SDK1: variants seen among roughly 807,000 people sequenced by gnomAD.
The protein encoded by SDK1 is sidekick cell adhesion molecule 1, also known as protein sidekick-1.
Under a neutral mutation model 245.5 loss-of-function variants are expected in SDK1, and 157 were observed. The observed-to-expected ratio is 0.64, with a 90% CI of 0.56 to 0.73. The LOEUF (loss-of-function observed/expected upper bound fraction) is 0.73, where lower values mean the gene tolerates loss of function less well. Among genes scored for constraint, SDK1 ranks in the 30% least tolerant of loss-of-function variants. The pLI is 0.00. For synonymous variants in SDK1, 1,647 were observed against 1,278.5 expected (o/e 1.29, Z -6.15); for missense variants, 3,583 against 3,002.3 (o/e 1.19, Z -4.52).
chr7:3,951,970 G>A lies in SDK1; in HGVS notation c.1150+50G>A, dbSNP rs186479491. On this transcript the variant is annotated intron_variant, in intron 7 of 44. Transcript: ENST00000404826. ...GTTGCCAGCATCTCAGATAGCATCC[G>A]ACACTGACTCTTCTGCAGAAACAAA... is the stretch of plus-strand genomic sequence containing the variant. The A allele has an allele frequency of 2.3e-4, 351 of 1,500,684 alleles. No homozygotes were observed. The African/African-American group carries it at 3.2e-3, about 14-fold the overall frequency. 93.0% of individuals were successfully genotyped at this position (1,500,684 alleles called of 1,614,324 possible).
intron 9 of SDK1, among the ~76,000 whole-genome samples, chr7:3,965,906 C>T (rs1047291232): frequency 2.0e-5 from 3 of 151,758 alleles, no homozygotes; most frequent in African/African-American, 2.4e-5. Context: ...GGAGCAAGCT[C>T]GGCATGTGTG....
intron 4 of SDK1, among the ~76,000 whole-genome samples, chr7:3,801,219 G>C (rs1180218266): frequency 2.6e-5 from 4 of 152,118 alleles, no homozygotes; most frequent in African/African-American, 9.7e-5. Flanking sequence ...TTTTAAAATA[G>C]CTGAATGTAA....
chr7:4,119,521 CTG>C (rs1203530968), intron 25 of SDK1, among the ~76,000 whole-genome samples: 1 of 148,628 alleles, frequency 6.7e-6, no homozygotes, highest in African/African-American at 2.5e-5. Flanking sequence ...CCCAGAAAAT[CTG>C]TGTGTAATAT....
rs1562871990 is a variant in SDK1 at position 4,139,567 on chromosome 7, G to GTGTGTATGTGTGTGTATATGTA, written c.4229-6154_4229-6153insGTGTATGTGTGTGTATATGTAT. On this transcript the variant is annotated intron_variant, in intron 28 of 44. Coordinates refer to ENST00000404826, the MANE Select transcript of SDK1 (RefSeq NM_152744.4). Reference sequence around the variant, plus strand: ...TGTGTGTGTATATGTATATATGTGTGTATATGTGTGTGTGTATGTGTGTGT... The same window carrying GTGTGTATGTGTGTGTATATGTA: ...TGTGTGTGTATATGTATATATGTGTGTGTGTATGTGTGTGTATATGTATATATGTGTGTGTGTATGTGTGTGT... Among the ~76,000 whole-genome samples the GTGTGTATGTGTGTGTATATGTA allele has an allele frequency of 5.3e-3, 65 of 12,296 alleles. 17 individuals carry two copies. The highest frequency in any genetic ancestry group is 8.1e-3 in the South Asian group (2 of 246). 8.1% of individuals were successfully genotyped at this position (12,296 alleles called of 152,430 possible).
At chr7:3,627,829 T>TA (rs1170121126) in intron 2 of SDK1, among the ~76,000 whole-genome samples, 2 of 152,144 alleles carry the variant, frequency 1.3e-5, no homozygotes, top group Non-Finnish European at 2.9e-5. Context: ...TCTAGTGATA[T>TA]AAAAAATCCA....
intron 1 of SDK1, among the ~76,000 whole-genome samples, chr7:3,422,161 T>C (rs1485232572): frequency 6.6e-6 from 1 of 152,176 alleles, no homozygotes; most frequent in Non-Finnish European, 1.5e-5. Flanking sequence ...CCAATTAGAA[T>C]AAAACTTGTT....
chr7:4,239,771 C>T (rs751013412), intron 42 of SDK1, among the ~76,000 whole-genome samples: 1 of 152,232 alleles, frequency 6.6e-6, no homozygotes. Flanking sequence ...CAGACCTCTT[C>T]CTGAGCTCAG....
intron 1 of SDK1, among the ~76,000 whole-genome samples, chr7:3,608,722 G>T (rs1781498970): frequency 6.6e-6 from 1 of 152,188 alleles, no homozygotes; most frequent in Non-Finnish European, 1.5e-5. Flanking sequence ...TCCATTCCAA[G>T]TACAGGACAG....
intron 5 of SDK1, among the ~76,000 whole-genome samples, chr7:3,824,239 A>G (rs1052094376): frequency 2.0e-5 from 3 of 152,138 alleles, no homozygotes; most frequent in Admixed American, 6.5e-5. Flanking sequence ...TGTTCTGCAG[A>G]CTTAGATATC....
rs1337447042 is a variant in SDK1 at position 4,026,514 on chromosome 7, G to A, written c.2602+9162G>A. Among the ~76,000 whole-genome samples, 2 of 152,196 alleles carry A rather than the reference G, an allele frequency of 1.3e-5. No individual in the cohort carries two copies. Among genetic ancestry groups the A allele is most frequent in the Non-Finnish European group, 2.9e-5 (2 of 68,044 alleles). ...GGCCTGCGGGCTCTCCCCACGTGCTGTGCCCCCACCCCAGCCCAAACACTG... is the reference window on the plus strand; with the variant it reads ...GGCCTGCGGGCTCTCCCCACGTGCTATGCCCCCACCCCAGCCCAAACACTG... On this transcript the variant is annotated intron_variant, in intron 17 of 44. Coordinates refer to ENST00000404826, the MANE Select transcript of SDK1 (RefSeq NM_152744.4). This position sits in a 1 kb window ranked among gnomAD's most constrained non-coding sequence, Gnocchi z 4.1.
At chr7:3,507,025 C>T (rs952790815) in intron 1 of SDK1, among the ~76,000 whole-genome samples, 1 of 152,094 alleles carries the variant, frequency 6.6e-6, no homozygotes, top group Non-Finnish European at 1.5e-5. Flanking sequence ...AACTTAGTCT[C>T]TTCAAGCCGG....
chr7:4,257,663 A>G (rs927978477), intron 44 of SDK1, among the ~76,000 whole-genome samples: 2 of 152,184 alleles, frequency 1.3e-5, no homozygotes, highest in African/African-American at 2.4e-5. Context: ...AGCAAGAAGG[A>G]AAAGCCTCTT....
At chr7:3,773,290 C>T (rs1158431245) in intron 4 of SDK1, among the ~76,000 whole-genome samples, 1 of 152,160 alleles carries the variant, frequency 6.6e-6, no homozygotes, top group South Asian at 2.1e-4. Context: ...TTCACATTCA[C>T]TGATTCTTTC....
chr7:3,843,817 CTT>C (rs559619692), intron 5 of SDK1, among the ~76,000 whole-genome samples: 77 of 152,162 alleles, frequency 5.1e-4, no homozygotes, highest in African/African-American at 1.7e-3. Flanking sequence ...GAACTCTAAA[CTT>C]TTGTTTGATG....
chr7:3,872,356 G>A (rs949096713), intron 5 of SDK1, among the ~76,000 whole-genome samples: 21 of 152,160 alleles, frequency 1.4e-4, no homozygotes, highest in East Asian at 3.9e-4. Context: ...GTAAGATATC[G>A]TATAGAGTTG....
At chr7:3,337,638 G>C (rs902740711) in intron 1 of SDK1, among the ~76,000 whole-genome samples, 2 of 152,206 alleles carry the variant, frequency 1.3e-5, no homozygotes, top group African/African-American at 4.8e-5. Context: ...GCTACTGAAA[G>C]TAGCTGGAGT....
At chr7:3,535,664 G>T (rs1778862633) in intron 1 of SDK1, among the ~76,000 whole-genome samples, 1 of 152,090 alleles carries the variant, frequency 6.6e-6, no homozygotes. Context: ...TGTCTATATT[G>T]GTCGTTCTTT....
At chr7:4,142,350 A>G (rs1385446173) in intron 28 of SDK1, among the ~76,000 whole-genome samples, 1 of 151,926 alleles carries the variant, frequency 6.6e-6, no homozygotes. Context: ...TTTGCTGGAG[A>G]CAGAGTCTTG....
intron 1 of SDK1, among the ~76,000 whole-genome samples, chr7:3,492,917 G>A (rs1302215331): frequency 3.3e-5 from 5 of 152,086 alleles, no homozygotes; most frequent in South Asian, 2.1e-4. Context: ...GCTTATGCAT[G>A]TACTGTATTC....
Sources: gnomAD v4.1 joint callset for allele counts (sites outside exome capture counted in the v4.1 genomes callset) on GRCh38, gnomAD v4.1.1 for gene constraint, Gnocchi (gnomAD v3.1) non-coding constraint, MANE v1.5 for transcripts, NCBI Gene and HGNC (gene_info 2026-07-23, HGNC 2026-07-21) for gene names.